The following RUNX1 variants were observed in gnomAD, a reference collection of about 807,000 sequenced individuals.
The protein encoded by RUNX1 is RUNX family transcription factor 1, also known as runt-related transcription factor 1.
Under a neutral mutation model 42.8 loss-of-function variants are expected in RUNX1, and 19 were observed. The observed-to-expected ratio is 0.44, with a 90% CI of 0.31 to 0.65. The LOEUF (loss-of-function observed/expected upper bound fraction) is 0.65, where lower values mean the gene tolerates loss of function less well. Among genes scored for constraint, RUNX1 ranks in the 30% least tolerant of loss-of-function variants. RUNX1 has a pLI of 0.07. For missense variants in RUNX1, 528 were observed against 672.0 expected, an observed-to-expected ratio of 0.79 and a Z score of 2.37; for synonymous variants, 271 against 289.4, an observed-to-expected ratio of 0.94 and a Z score of 0.64.
At chr21:34,852,260 T>C (rs1446156794) in intron 6 of RUNX1, among the ~76,000 whole-genome samples, 1 of 152,250 alleles carries the variant, frequency 6.6e-6, no homozygotes, top group East Asian at 1.9e-4. Flanking sequence ...TTACCAAGAA[T>C]ACACAGGCCA....
chr21:34,973,671 C>T lies in RUNX1; in HGVS notation c.58+75171G>A, dbSNP rs932393669. On this transcript the variant is annotated intron_variant, in intron 2 of 8. Coordinates refer to ENST00000675419, the MANE Select transcript of RUNX1 (RefSeq NM_001754.5). ...CAAGAGAACAACACAAACCTCCCTC[C>T]ATGTCATAGAAAACTCAGTTTGGAG... Among the ~76,000 whole-genome samples the T allele has an allele frequency of 4.4e-4, 67 of 152,326 alleles. 1 individual carries two copies. Among genetic ancestry groups the T allele is most frequent in the African/African-American group, 1.5e-3 (64 of 41,568 alleles).
chr21:34,823,327 T>G (rs2056936284), intron 7 of RUNX1, among the ~76,000 whole-genome samples: 1 of 152,016 alleles, frequency 6.6e-6, no homozygotes. Context: ...TAAACGGAAC[T>G]GATGATGTTG....
At chr21:34,930,289 T>TATATATATATATATATATATAAATAA (rs1555906453) in intron 2 of RUNX1, among the ~76,000 whole-genome samples, 17 of 137,326 alleles carry the variant, frequency 1.2e-4, no homozygotes, top group African/African-American at 5.3e-4. Flanking sequence ...TATATATATA[T>TATATATATATATATATATATAAATAA]ATAAATAAAT....
At chr21:34,838,620 T>A (rs1041387159) in intron 6 of RUNX1, among the ~76,000 whole-genome samples, 2 of 152,216 alleles carry the variant, frequency 1.3e-5, no homozygotes, top group Non-Finnish European at 2.9e-5. Flanking sequence ...ACTACATGAA[T>A]CTGGATATAA....
chr21:34,842,475 A>G (rs2146120917), intron 6 of RUNX1, among the ~76,000 whole-genome samples: 2 of 133,444 alleles, frequency 1.5e-5, no homozygotes, highest in Admixed American at 1.6e-4. Context: ...AGACTGGGTG[A>G]CAGAGGGAGA....
At chr21:34,888,412 G>A in intron 3 of RUNX1, 1 of 1,067,214 alleles carries the variant, frequency 9.4e-7, no homozygotes, top group Middle Eastern at 4.1e-4. Flanking sequence ...TGTTGTAAAA[G>A]GAAAACAATT....
intron 2 of RUNX1, among the ~76,000 whole-genome samples, chr21:34,994,348 C>CA (rs2058976700): frequency 6.6e-6 from 1 of 152,066 alleles, no homozygotes; most frequent in Admixed American, 6.5e-5. Flanking sequence ...TATTTGACAG[C>CA]ATAACAGGGT....
intron 2 of RUNX1, among the ~76,000 whole-genome samples, chr21:35,015,187 CA>C (rs1178018602): frequency 6.6e-6 from 1 of 152,228 alleles, no homozygotes; most frequent in Non-Finnish European, 1.5e-5. Context: ...AATCCCTTTG[CA>C]TTTCAACTTC....
chr21:34,931,425 C>T (rs1382646618), intron 2 of RUNX1, among the ~76,000 whole-genome samples: 2 of 138,776 alleles, frequency 1.4e-5, no homozygotes, highest in Non-Finnish European at 3.0e-5. Flanking sequence ...ATATATAAAG[C>T]ATATATAAAT....
intron 4 of RUNX1, among the ~76,000 whole-genome samples, chr21:34,881,944 C>A (rs2057911535): frequency 6.6e-6 from 1 of 152,166 alleles, no homozygotes; most frequent in African/African-American, 2.4e-5. Flanking sequence ...TTATTCTGAT[C>A]ATTTCTGACA....
chr21:34,991,132 A>C (rs993277969), intron 2 of RUNX1, among the ~76,000 whole-genome samples: 12 of 152,192 alleles, frequency 7.9e-5, no homozygotes, highest in South Asian at 2.1e-4. Context: ...TGCGCTGGCG[A>C]AGACCGGGGC....
intron 6 of RUNX1, 40 bp from the exon 7 acceptor site, chr21:34,834,641 G>C (rs1299858864): frequency 1.0e-5 from 13 of 1,294,734 alleles, no homozygotes; most frequent in Non-Finnish European, 1.4e-5. Context: ...TGGGGGGAGG[G>C]AAGGAGGGAG....
chr21:34,823,880 C>G (rs2056947540), intron 7 of RUNX1, among the ~76,000 whole-genome samples: 1 of 152,182 alleles, frequency 6.6e-6, no homozygotes, highest in Non-Finnish European at 1.5e-5. Flanking sequence ...GGAATTTCAT[C>G]TTTAAGAACA....
intron 2 of RUNX1, among the ~76,000 whole-genome samples, chr21:34,927,709 T>C (rs2058406629): frequency 6.6e-6 from 1 of 152,168 alleles, no homozygotes; most frequent in Admixed American, 6.5e-5. Flanking sequence ...AATGGTACTG[T>C]TAGTATAGAC....
intron 7 of RUNX1, chr21:34,834,077 T>C (rs1311454336): frequency 9.7e-6 from 5 of 514,328 alleles, no homozygotes; most frequent in South Asian, 3.7e-5. Context: ...GGTAAAAAAA[T>C]AGCATAGCCA....
At chr21:34,927,073 G>T (rs959306325) in intron 2 of RUNX1, among the ~76,000 whole-genome samples, 1 of 152,014 alleles carries the variant, frequency 6.6e-6, no homozygotes, top group Admixed American at 6.6e-5. Flanking sequence ...GAGTTGCTCC[G>T]CCAGCAGTAG....
At chr21:34,838,323 A>G (rs2057179468) in intron 6 of RUNX1, among the ~76,000 whole-genome samples, 1 of 152,204 alleles carries the variant, frequency 6.6e-6, no homozygotes, top group African/African-American at 2.4e-5. Context: ...TAGAATAAAG[A>G]ATTTTCTGGC....
intron 7 of RUNX1, among the ~76,000 whole-genome samples, chr21:34,809,941 G>T (rs1343449305): frequency 6.6e-6 from 1 of 152,228 alleles, no homozygotes; most frequent in African/African-American, 2.4e-5. Context: ...GCCCAGCTCA[G>T]ATGGAGATCT....
In RUNX1 at chr21:34,820,553, C is replaced by T. The variant is rs369903035; in HGVS notation, c.805+13857G>A. 5.9e-5 allele frequency among the ~76,000 whole-genome samples: 9 copies of T among 151,846 alleles called. No individual in the cohort carries two copies. In the South Asian group the frequency reaches 1.0e-3, roughly 18 times the overall value. On this transcript the variant is annotated intron_variant, in intron 7 of 8. Coordinates refer to ENST00000675419, the MANE Select transcript of RUNX1 (RefSeq NM_001754.5). ...CTCTGTAATCCCGACTCTGTAATCC[C>T]GGCTACTCGGGAGGCTGAGGCAGGA...
Sources: gnomAD v4.1 joint callset for allele counts (sites outside exome capture counted in the v4.1 genomes callset) on GRCh38, gnomAD v4.1.1 for gene constraint, MANE v1.5 for transcripts, NCBI Gene and HGNC (gene_info 2026-07-23, HGNC 2026-07-21) for gene names.